Variants in CSRNP3 observed in about 807,000 individuals in gnomAD.
The protein encoded by CSRNP3 is cysteine and serine rich nuclear protein 3, also known as cysteine/serine-rich nuclear protein 3.
Under a neutral mutation model 48.0 loss-of-function variants are expected in CSRNP3, and 12 were observed. The ratio of observed to expected loss-of-function variants is 0.25; its 90% confidence interval spans 0.16 to 0.41. The LOEUF (loss-of-function observed/expected upper bound fraction) is 0.41, where lower values mean the gene tolerates loss of function less well. CSRNP3 is among the 10% of genes least tolerant of loss of function. The pLI is 1.00. For synonymous variants in CSRNP3, 263 were observed against 269.7 expected (o/e 0.98, Z 0.24); for missense variants, 580 against 724.4 (o/e 0.80, Z 2.29).
intron 6 of CSRNP3, among the ~76,000 whole-genome samples, chr2:165,677,768 G>C (rs1167447687): frequency 6.6e-6 from 1 of 152,098 alleles, no homozygotes; most frequent in East Asian, 1.9e-4. Flanking sequence ...TCTGCATACA[G>C]ATTAATCTGT....
chr2:165,551,188 C>T (rs1289667352), intron 3 of CSRNP3, among the ~76,000 whole-genome samples: 1 of 152,096 alleles, frequency 6.6e-6, no homozygotes, highest in Non-Finnish European at 1.5e-5. Context: ...CAAACTAATA[C>T]CCCCAGTCAT....
chr2:165,470,874 G>A (rs1683884894), intron 1 of CSRNP3, among the ~76,000 whole-genome samples: 1 of 151,878 alleles, frequency 6.6e-6, no homozygotes, highest in East Asian at 1.9e-4. Context: ...CTTTCAATGA[G>A]GTAAATAATT....
At chr2:165,486,266 A>G (rs1684114558) in intron 1 of CSRNP3, among the ~76,000 whole-genome samples, 1 of 152,186 alleles carries the variant, frequency 6.6e-6, no homozygotes, top group African/African-American at 2.4e-5. Context: ...CCACGAGACT[A>G]TATCCCACAC....
intron 5 of CSRNP3, among the ~76,000 whole-genome samples, chr2:165,658,256 T>A (rs1687039628): frequency 1.3e-5 from 2 of 152,040 alleles, no homozygotes; most frequent in South Asian, 4.1e-4. Flanking sequence ...TATTGTGAGA[T>A]CATATGCCCT....
intron 3 of CSRNP3, among the ~76,000 whole-genome samples, chr2:165,559,247 G>A (rs974005137): frequency 2.6e-5 from 4 of 152,070 alleles, no homozygotes; most frequent in African/African-American, 9.7e-5. Flanking sequence ...AATCTCTCTG[G>A]TACTAGAAAA....
intron 5 of CSRNP3, among the ~76,000 whole-genome samples, chr2:165,669,454 C>T (rs544593059): frequency 2.3e-4 from 35 of 152,228 alleles, no homozygotes; most frequent in African/African-American, 8.2e-4. Context: ...TCATTCACAA[C>T]ATGATATGGT....
At chr2:165,477,009 CT>C (rs573607257) in intron 1 of CSRNP3, among the ~76,000 whole-genome samples, 128 of 152,182 alleles carry the variant, frequency 8.4e-4, no homozygotes, top group Non-Finnish European at 1.6e-3. Context: ...TCTTGACTGG[CT>C]TTTTTTCCAT....
At chr2:165,470,083 C>T (rs921310724) in intron 1 of CSRNP3, among the ~76,000 whole-genome samples, 1 of 152,044 alleles carries the variant, frequency 6.6e-6, no homozygotes, top group Non-Finnish European at 1.5e-5. Context: ...TACTAGGAAT[C>T]GCAGGAAGGA....
At chr2:165,571,941 A>G (rs1170406525) in intron 3 of CSRNP3, among the ~76,000 whole-genome samples, 2 of 152,150 alleles carry the variant, frequency 1.3e-5, no homozygotes, top group African/African-American at 4.8e-5. Context: ...ACACCAAGAA[A>G]AAGAAATGCC....
intron 3 of CSRNP3, among the ~76,000 whole-genome samples, chr2:165,533,237 G>A (rs528817944): frequency 6.6e-6 from 1 of 152,088 alleles, no homozygotes; most frequent in East Asian, 1.9e-4. Flanking sequence ...TTATGTGTAG[G>A]TGTTTTATTT....
At chr2:165,540,231 C>T (rs1437900020) in intron 3 of CSRNP3, among the ~76,000 whole-genome samples, 1 of 151,974 alleles carries the variant, frequency 6.6e-6, no homozygotes, top group Non-Finnish European at 1.5e-5. Flanking sequence ...AGTGGCTTGC[C>T]TTGGCAAATT....
intron 2 of CSRNP3, among the ~76,000 whole-genome samples, chr2:165,516,046 T>G (rs1355043407): frequency 6.6e-6 from 1 of 152,128 alleles, no homozygotes; most frequent in African/African-American, 2.4e-5. Flanking sequence ...GCTGAAATGA[T>G]CTGCCCGCCT....
chr2:165,678,232 G>T (rs1163263172), intron 6 of CSRNP3, among the ~76,000 whole-genome samples: 1 of 152,150 alleles, frequency 6.6e-6, no homozygotes, highest in Non-Finnish European at 1.5e-5. Flanking sequence ...AAGTTAACAT[G>T]GGGTACATCA....
chr2:165,479,558 A>G (rs953932225), intron 1 of CSRNP3, among the ~76,000 whole-genome samples: 5 of 152,270 alleles, frequency 3.3e-5, no homozygotes, highest in Admixed American at 3.3e-4. Flanking sequence ...AACATGTAAC[A>G]AATTCCCATA....
At position 165,584,100 on chromosome 2, in the gene CSRNP3, T is replaced by A. The variant is rs189882388; in HGVS notation, c.-23-10943T>A. Among the ~76,000 whole-genome samples the A allele has an allele frequency of 1.4e-3, 218 of 152,314 alleles. 1 individual carries two copies. The highest frequency in any genetic ancestry group is 2.6e-3 in the Non-Finnish European group (180 of 68,022). ...TGTGATAAAGGATTAATTTTCTTAA[T>A]TACTATGTTTTTCATGAATCAATAT... On this transcript the variant is annotated intron_variant, in intron 3 of 6. Transcript: ENST00000651982.
intron 4 of CSRNP3, among the ~76,000 whole-genome samples, chr2:165,601,765 G>A (rs543332617): frequency 4.0e-5 from 6 of 151,700 alleles, no homozygotes; most frequent in African/African-American, 1.5e-4. Context: ...TCTTTCCCCA[G>A]TGTGATTTCC....
Position 165,679,908 on chromosome 2 carries a change from A to AGTCATG in CSRNP3, c.*155_*156insGTCATG. ...ATTTTGTTTTTTCCTTTCTAGCCAC[A>AGTCATG]TGACTGTGGCATTGCACAAATACAG... is the stretch of plus-strand genomic sequence containing the variant. On this transcript the variant is annotated 3_prime_UTR_variant, in exon 7 of 7. Transcript: ENST00000651982. The AGTCATG allele has an allele frequency of 1.9e-6, 2 of 1,036,712 alleles. No individual in the cohort carries two copies. The highest frequency in any genetic ancestry group is 2.8e-6 in the Non-Finnish European group (2 of 715,838). The allele number at this position is 1,036,712 out of a possible 1,614,324, so 64.2% of individuals were successfully genotyped here. A position where few individuals can be genotyped will look rare whatever the true frequency, so the allele number is the denominator to read the frequency against.
At chr2:165,625,499 C>A (rs990395962) in intron 4 of CSRNP3, among the ~76,000 whole-genome samples, 1 of 150,576 alleles carries the variant, frequency 6.6e-6, no homozygotes, top group Non-Finnish European at 1.5e-5. Flanking sequence ...CTGAGCGTGG[C>A]GGCAGGTGCT....
chr2:165,643,999 G>A (rs1001984541), intron 4 of CSRNP3, among the ~76,000 whole-genome samples: 2 of 152,190 alleles, frequency 1.3e-5, no homozygotes, highest in African/African-American at 4.8e-5. Flanking sequence ...ATTCAGTCAT[G>A]TGTTTTTGCT....
Sources: allele counts gnomAD v4.1 joint callset (sites outside exome capture counted in the v4.1 genomes callset), GRCh38; gene constraint gnomAD v4.1.1; transcripts MANE v1.5; gene names NCBI Gene and HGNC (gene_info 2026-07-23, HGNC 2026-07-21).